The following CDH13 variants were observed in gnomAD, a reference collection of about 807,000 sequenced individuals.
CDH13 encodes the protein cadherin 13, also known as cadherin-13.
CDH13 carries 24 observed loss-of-function variants against 63.8 expected under a neutral mutation model. The ratio of observed to expected loss-of-function variants is 0.38; its 90% CI spans 0.27 to 0.53. CDH13 has a LOEUF of 0.53. CDH13 is among the 20% of genes least tolerant of loss of function. The probability of loss-of-function intolerance (pLI) is 0.85; values close to 1 mark genes in which losing one functional copy is unlikely to be tolerated. For missense variants in CDH13, 1,049 were observed against 903.1 expected, an observed-to-expected ratio of 1.16 and a Z score of -2.07; for synonymous variants, 503 against 355.3, an observed-to-expected ratio of 1.42 and a Z score of -4.67.
intron 3 of CDH13, among the ~76,000 whole-genome samples, chr16:83,100,126 G>A (rs2034404186): frequency 6.6e-6 from 1 of 152,076 alleles, no homozygotes; most frequent in Non-Finnish European, 1.5e-5. Flanking sequence ...TGCTGTCTGA[G>A]GACACACCAG....
chr16:83,617,859 C>T (rs975120992), intron 8 of CDH13, among the ~76,000 whole-genome samples: 14 of 151,896 alleles, frequency 9.2e-5, no homozygotes, highest in African/African-American at 2.2e-4. Flanking sequence ...TGTCCTAATA[C>T]GTACATATTC....
chr16:83,256,401 A>G (rs1350304313), intron 5 of CDH13, among the ~76,000 whole-genome samples: 3 of 152,078 alleles, frequency 2.0e-5, no homozygotes, highest in Admixed American at 2.0e-4. Context: ...TCAGGACCCA[A>G]CCTTGTCTTC....
intron 8 of CDH13, among the ~76,000 whole-genome samples, chr16:83,649,657 C>T (rs1181037152): frequency 6.6e-6 from 1 of 152,200 alleles, no homozygotes; most frequent in Admixed American, 6.5e-5. Flanking sequence ...CTCCTGCAGC[C>T]AGGGGAAGGA....
At chr16:83,485,552 C>T (rs1269402542) in intron 6 of CDH13, among the ~76,000 whole-genome samples, 3 of 152,128 alleles carry the variant, frequency 2.0e-5, no homozygotes, top group African/African-American at 7.2e-5. Flanking sequence ...TTAGTGTTTG[C>T]TCTCATTCCC....
At chr16:83,530,398 T>A (rs896963100) in intron 7 of CDH13, among the ~76,000 whole-genome samples, 3 of 152,208 alleles carry the variant, frequency 2.0e-5, no homozygotes, top group African/African-American at 7.2e-5. Flanking sequence ...CATTTCCAGC[T>A]GGCTGTCTAA....
At chr16:83,116,016 T>A (rs1364716376) in intron 3 of CDH13, among the ~76,000 whole-genome samples, 1 of 152,148 alleles carries the variant, frequency 6.6e-6, no homozygotes, top group Non-Finnish European at 1.5e-5. Context: ...GTAGGATCAT[T>A]CCTCTCAAAT....
At chr16:82,829,397 T>C (rs994010025) in intron 1 of CDH13, 7 of 152,112 alleles carry the variant, frequency 4.6e-5, no homozygotes, top group African/African-American at 1.4e-4. Flanking sequence ...TGTTATATAC[T>C]CTTGGGCTTG....
intron 5 of CDH13, among the ~76,000 whole-genome samples, chr16:83,224,620 G>C (rs1375985442): frequency 6.6e-6 from 1 of 152,222 alleles, no homozygotes; most frequent in African/African-American, 2.4e-5. Context: ...ACGGAGGGAA[G>C]AATCTCGACT....
chr16:83,033,021 G>A (rs1269918953), intron 3 of CDH13, among the ~76,000 whole-genome samples: 2 of 152,178 alleles, frequency 1.3e-5, no homozygotes, highest in East Asian at 1.9e-4. Flanking sequence ...GTATGTATAT[G>A]GTGCTGTATG....
chr16:83,436,362 T>C (rs2072303968), intron 6 of CDH13, among the ~76,000 whole-genome samples: 1 of 152,116 alleles, frequency 6.6e-6, no homozygotes, highest in African/African-American at 2.4e-5. Context: ...ACGTACTCTC[T>C]CTAGAGGCTG....
intron 6 of CDH13, among the ~76,000 whole-genome samples, chr16:83,401,923 C>G (rs2091973977): frequency 6.6e-6 from 1 of 152,160 alleles, no homozygotes; most frequent in Non-Finnish European, 1.5e-5. Flanking sequence ...GTCTCATATT[C>G]ATCTGGAGAC....
At chr16:83,786,664 T>G (rs997944082) in intron 13 of CDH13, among the ~76,000 whole-genome samples, 1 of 152,146 alleles carries the variant, frequency 6.6e-6, no homozygotes, top group Admixed American at 6.5e-5. Flanking sequence ...CTCAGCTTAC[T>G]GCAACCTCCG....
chr16:82,916,477 G>A (rs2041994375), intron 2 of CDH13, among the ~76,000 whole-genome samples: 1 of 152,140 alleles, frequency 6.6e-6, no homozygotes, highest in African/African-American at 2.4e-5. Flanking sequence ...GGGAGGCTGA[G>A]GCAGGAGAAT....
intron 7 of CDH13, among the ~76,000 whole-genome samples, chr16:83,571,746 T>C (rs1474411897): frequency 6.6e-6 from 1 of 152,208 alleles, no homozygotes; most frequent in Admixed American, 6.5e-5. Context: ...CTCCCTCTCT[T>C]GTATTCCCAA....
chr16:82,765,544 G>T (rs530103358), intron 1 of CDH13, among the ~76,000 whole-genome samples: 2 of 152,278 alleles, frequency 1.3e-5, no homozygotes, highest in East Asian at 3.9e-4. Flanking sequence ...TGATGATGCT[G>T]CTATCAATGG....
chr16:82,751,214 T>G (rs1488400570), intron 1 of CDH13, among the ~76,000 whole-genome samples: 1 of 152,224 alleles, frequency 6.6e-6, no homozygotes, highest in African/African-American at 2.4e-5. Context: ...ATTCATGGGC[T>G]TGCAACATGT....
chr16:82,944,390 G>C (rs967788226), intron 2 of CDH13, among the ~76,000 whole-genome samples: 1 of 152,140 alleles, frequency 6.6e-6, no homozygotes, highest in Non-Finnish European at 1.5e-5. Context: ...TGGGATTGTT[G>C]ATCTCTCAAC....
intron 1 of CDH13, among the ~76,000 whole-genome samples, chr16:82,781,890 A>G (rs897827083): frequency 3.9e-5 from 6 of 152,230 alleles, no homozygotes; most frequent in African/African-American, 1.4e-4. Flanking sequence ...GTGCACCTAC[A>G]GAGAACTGTG....
chr16:82,925,925 A>T (rs539298700), intron 2 of CDH13: 29 of 152,126 alleles, frequency 1.9e-4, no homozygotes, highest in Non-Finnish European at 2.9e-4. Context: ...GGTAATAATG[A>T]GTTTTCCCAT....
Sources: gnomAD v4.1 joint callset for allele counts (sites outside exome capture counted in the v4.1 genomes callset) on GRCh38, gnomAD v4.1.1 for gene constraint, MANE v1.5 for transcripts, NCBI Gene and HGNC (gene_info 2026-07-23, HGNC 2026-07-21) for gene names.